FHOD3: variants seen among roughly 807,000 people sequenced by gnomAD.
FHOD3 encodes FH1/FH2 domain-containing protein 3.
A neutral mutation model predicts 173.0 loss-of-function variants in FHOD3; 90 were observed. The observed-to-expected ratio is 0.52, with a 90% confidence interval of 0.44 to 0.62. The LOEUF is 0.62. Ranked by LOEUF, FHOD3 falls within the 20% of genes least tolerant of loss-of-function variation. The pLI is 0.00. For synonymous variants in FHOD3, 828 were observed against 823.0 expected (o/e 1.01, Z -0.10); for missense variants, 1,945 against 2,034.7 (o/e 0.96, Z 0.85).
chr18:36,494,130 C>G (rs951691666), intron 3 of FHOD3, among the ~76,000 whole-genome samples: 2 of 152,092 alleles, frequency 1.3e-5, no homozygotes, highest in Non-Finnish European at 2.9e-5. Context: ...CTGTCTTTCC[C>G]CACACACTGA....
chr18:36,586,471 A>G (rs917002007), intron 6 of FHOD3, among the ~76,000 whole-genome samples: 2 of 150,280 alleles, frequency 1.3e-5, no homozygotes, highest in African/African-American at 2.4e-5. Flanking sequence ...AGTAAACAAT[A>G]AAAGATGTGC....
chr18:36,744,088 G>A lies in FHOD3; in HGVS notation c.3936G>A (p.Val1312=), dbSNP rs746850091. The A allele has an allele frequency of 5.6e-6, 9 of 1,614,202 alleles. No homozygotes were observed. The East Asian group carries it at 2.0e-4, about 36-fold the overall frequency. Residue 1312 remains valine (V), a synonymous_variant, in exon 23 of 29, where the codon GTG becomes GTA. Coordinates refer to ENST00000590592, the MANE Select transcript of FHOD3 (RefSeq NM_001281740.3). ...AGGTTCCAGAAGTCAAAGACACAGT[G>A]CACAAGCAGTCGCTTCTCCACCATG... ...LEKVPEVKDT[V]HKQSLLHHVC... is the part of the protein sequence containing the mutation.
chr18:36,398,364 G>A lies in FHOD3; in HGVS notation c.337+25620G>A, dbSNP rs536199245. 2.6e-5 allele frequency among the ~76,000 whole-genome samples: 4 copies of A among 152,276 alleles called. No homozygotes were observed. In the South Asian group the frequency reaches 8.3e-4, roughly 32 times the overall value. On this transcript the variant is annotated intron_variant, in intron 3 of 28. Transcript: ENST00000590592. ...GATGTTTCTCCTTCCTGCCTTTCTA[G>A]CAATACTTCCTAAGATGCTGTCTTT...
chr18:36,342,243 A>G (rs889252342), intron 1 of FHOD3, among the ~76,000 whole-genome samples: 2 of 152,104 alleles, frequency 1.3e-5, no homozygotes, highest in African/African-American at 4.8e-5. Flanking sequence ...ATGGGTCTAA[A>G]ATATATGTAT....
chr18:36,415,272 A>G (rs7228236), intron 3 of FHOD3, among the ~76,000 whole-genome samples: 42,141 of 152,140 alleles, frequency 0.28, 6,395 homozygotes, highest in East Asian at 0.62. Flanking sequence ...GCCCATCCTG[A>G]ATGTTTGTTC....
chr18:36,515,369 C>T (rs1780717501), intron 5 of FHOD3, among the ~76,000 whole-genome samples: 1 of 152,154 alleles, frequency 6.6e-6, no homozygotes, highest in African/African-American at 2.4e-5. Context: ...AGGCGCCTGC[C>T]ACCACACCTG....
rs376108724 is a variant in FHOD3 at position 36,432,034 on chromosome 18, G to C, written c.337+59290G>C. ...CTGTCTCCCTTTGGTGATTCTTTTTGAGCATTTCTGCTTTTCAGTAATCAT... is the reference window on the plus strand; with the variant it reads ...CTGTCTCCCTTTGGTGATTCTTTTTCAGCATTTCTGCTTTTCAGTAATCAT... On this transcript the variant is annotated intron_variant, in intron 3 of 28. Transcript: ENST00000590592. Among the ~76,000 whole-genome samples, 9 of 152,300 alleles carry C rather than the reference G, an allele frequency of 5.9e-5. No individual in the cohort carries two copies. In the East Asian group the frequency reaches 1.4e-3, roughly 23 times the overall value.
intron 3 of FHOD3, among the ~76,000 whole-genome samples, chr18:36,409,347 C>G (rs1261744435): frequency 6.6e-6 from 1 of 152,194 alleles, no homozygotes; most frequent in East Asian, 1.9e-4. Context: ...AGCGGAAGCT[C>G]TTCATCCATG....
intron 6 of FHOD3, among the ~76,000 whole-genome samples, chr18:36,586,998 AT>A (rs1160338449): frequency 6.6e-6 from 1 of 152,110 alleles, no homozygotes; most frequent in East Asian, 1.9e-4. Flanking sequence ...TACAGGCTTT[AT>A]TCGATGGCCA....
intron 1 of FHOD3, among the ~76,000 whole-genome samples, chr18:36,332,779 G>A (rs146681415): frequency 2.2e-3 from 339 of 152,298 alleles, no homozygotes; most frequent in African/African-American, 7.6e-3. Context: ...GGTTGCCAGC[G>A]TTAGTTTTGC....
chr18:36,488,720 T>C (rs374253419), intron 3 of FHOD3, among the ~76,000 whole-genome samples: 10 of 151,964 alleles, frequency 6.6e-5, no homozygotes, highest in East Asian at 1.9e-4. Context: ...TAAATCCTGT[T>C]TTACTGATCA....
At chr18:36,734,887 G>A (rs543238624) in intron 20 of FHOD3, among the ~76,000 whole-genome samples, 1 of 152,218 alleles carries the variant, frequency 6.6e-6, no homozygotes, top group South Asian at 2.1e-4. Flanking sequence ...TTCATCCTGT[G>A]GCTTTGCTTA....
chr18:36,450,925 G>T (rs1474368330), intron 3 of FHOD3, among the ~76,000 whole-genome samples: 1 of 152,182 alleles, frequency 6.6e-6, no homozygotes, highest in Non-Finnish European at 1.5e-5. Flanking sequence ...TTACTGAGCA[G>T]TGAACCCTGG....
intron 13 of FHOD3, 22 bp downstream of exon 13, chr18:36,653,438 C>A: frequency 6.8e-7 from 1 of 1,479,038 alleles, no homozygotes; most frequent in Non-Finnish European, 9.1e-7. Flanking sequence ...TATTTTCTTT[C>A]CCTTTTCTGT....
At chr18:36,400,069 TC>T (rs749901117) in intron 3 of FHOD3, among the ~76,000 whole-genome samples, 1 of 152,196 alleles carries the variant, frequency 6.6e-6, no homozygotes, top group Non-Finnish European at 1.5e-5. Context: ...ACCCCTCAGC[TC>T]CCCATGCATC....
intron 8 of FHOD3, among the ~76,000 whole-genome samples, chr18:36,610,317 C>T (rs1375467883): frequency 6.6e-6 from 1 of 152,200 alleles, no homozygotes; most frequent in Non-Finnish European, 1.5e-5. Flanking sequence ...AGAGTTTTCA[C>T]TAAAAGCAAA....
chr18:36,384,776 G>A (rs2047949936), intron 3 of FHOD3, among the ~76,000 whole-genome samples: 2 of 152,144 alleles, frequency 1.3e-5, no homozygotes, highest in East Asian at 3.9e-4. Context: ...TTGGAGACCT[G>A]TTTGTTATTT....
At chr18:36,320,645 C>G (rs1034837185) in intron 1 of FHOD3, among the ~76,000 whole-genome samples, 2 of 152,250 alleles carry the variant, frequency 1.3e-5, no homozygotes, top group Non-Finnish European at 2.9e-5. Flanking sequence ...AGGCCAGCAT[C>G]ATCCTGATAC....
chr18:36,529,221 G>A (rs1344556581), intron 5 of FHOD3, among the ~76,000 whole-genome samples: 4 of 152,168 alleles, frequency 2.6e-5, no homozygotes, highest in South Asian at 2.1e-4. Flanking sequence ...ATATGGCAGC[G>A]TTCAGGGACA....
Sources: allele counts gnomAD v4.1 joint callset (sites outside exome capture counted in the v4.1 genomes callset), GRCh38; gene constraint gnomAD v4.1.1; transcripts MANE v1.5; gene names NCBI Gene and HGNC (gene_info 2026-07-23, HGNC 2026-07-21).